Variants in FER1L6 observed in about 807,000 individuals in gnomAD.
The protein encoded by FER1L6 is fer-1-like protein 6.
In FER1L6, 177 loss-of-function variants were observed where a neutral mutation model predicts 219.2. The observed-to-expected ratio is 0.81, with a 90% CI of 0.71 to 0.91. The LOEUF (loss-of-function observed/expected upper bound fraction) is 0.91, where lower values mean the gene tolerates loss of function less well. Ranked by LOEUF, FER1L6 falls within the 40% of genes least tolerant of loss-of-function variation. The probability of loss-of-function intolerance (pLI) is 0.00; values close to 1 mark genes in which losing one functional copy is unlikely to be tolerated. For synonymous variants in FER1L6, 768 were observed against 824.3 expected (o/e 0.93, Z 1.17); for missense variants, 2,153 against 2,259.9 (o/e 0.95, Z 0.96).
At chr8:124,055,873 C>T (rs1820270819) in intron 22 of FER1L6, among the ~76,000 whole-genome samples, 1 of 152,172 alleles carries the variant, frequency 6.6e-6, no homozygotes, top group South Asian at 2.1e-4. Context: ...CTTGTCTATT[C>T]TGGTTTCTAG....
chr8:124,017,301 G>A (rs1294967142), intron 15 of FER1L6, among the ~76,000 whole-genome samples: 2 of 152,082 alleles, frequency 1.3e-5, no homozygotes, highest in African/African-American at 4.8e-5. Flanking sequence ...AACTTTTGGT[G>A]TGTGTTAAAT....
intron 18 of FER1L6, among the ~76,000 whole-genome samples, chr8:124,027,567 A>G (rs1317191847): frequency 6.6e-6 from 1 of 152,120 alleles, no homozygotes; most frequent in Non-Finnish European, 1.5e-5. Flanking sequence ...ATGTAAAATG[A>G]TTTTGTTTTA....
chr8:123,947,700 T>TA (rs1814565023), intron 1 of FER1L6, among the ~76,000 whole-genome samples: 1 of 152,194 alleles, frequency 6.6e-6, no homozygotes, highest in African/African-American at 2.4e-5. Flanking sequence ...CAGCATCTAA[T>TA]AAAGGAGAAG....
intron 1 of FER1L6, among the ~76,000 whole-genome samples, chr8:123,869,062 T>G (rs1279952086): frequency 6.6e-6 from 1 of 151,992 alleles, no homozygotes; most frequent in Admixed American, 6.6e-5. Context: ...GTGACTAAGA[T>G]GAAGTAATAG....
intron 25 of FER1L6, among the ~76,000 whole-genome samples, chr8:124,063,215 G>A (rs551504241): frequency 3.9e-4 from 59 of 152,154 alleles, no homozygotes; most frequent in African/African-American, 1.4e-3. Context: ...GTAGATTGTA[G>A]ATATTGTTCA....
chr8:123,981,182 T>A (rs1205962908), intron 11 of FER1L6, among the ~76,000 whole-genome samples: 1 of 152,056 alleles, frequency 6.6e-6, no homozygotes, highest in African/African-American at 2.4e-5. Flanking sequence ...GGATGGGAGA[T>A]AATTTTGGAT....
chr8:123,969,741 C>T (rs747463925), intron 5 of FER1L6, among the ~76,000 whole-genome samples: 2 of 151,686 alleles, frequency 1.3e-5, no homozygotes, highest in African/African-American at 4.8e-5. Context: ...TGGTATAGGC[C>T]TGTAGTCCCA....
chr8:123,920,360 C>A (rs530638032), intron 1 of FER1L6, among the ~76,000 whole-genome samples: 1 of 152,332 alleles, frequency 6.6e-6, no homozygotes, highest in Non-Finnish European at 1.5e-5. Context: ...CCTTCTTTGA[C>A]CCTGGATGGC....
intron 7 of FER1L6, among the ~76,000 whole-genome samples, chr8:123,974,732 G>A (rs974096909): frequency 1.3e-5 from 2 of 149,490 alleles, no homozygotes; most frequent in Non-Finnish European, 3.0e-5. Flanking sequence ...AAGAAAAGCC[G>A]GAAGTCTAGA....
intron 22 of FER1L6, among the ~76,000 whole-genome samples, chr8:124,057,978 CT>C (rs10708674): frequency 0.84 from 128,185 of 152,166 alleles, 54,139 homozygotes; most frequent in African/African-American, 0.86. Context: ...CGCTTAGTTT[CT>C]TCTTGTTAAT....
intron 6 of FER1L6, among the ~76,000 whole-genome samples, chr8:123,972,035 G>T (rs971093084): frequency 6.6e-6 from 1 of 152,250 alleles, no homozygotes; most frequent in Non-Finnish European, 1.5e-5. Flanking sequence ...AAGAGAACTT[G>T]AAACTGGCTT....
At chr8:123,900,314 A>G (rs1357273877) in intron 1 of FER1L6, among the ~76,000 whole-genome samples, 3 of 152,162 alleles carry the variant, frequency 2.0e-5, no homozygotes, top group Non-Finnish European at 4.4e-5. Context: ...GTTGGTGTAT[A>G]GAAGAGCTAC....
intron 1 of FER1L6, among the ~76,000 whole-genome samples, chr8:123,907,884 C>T (rs1007831731): frequency 2.6e-5 from 4 of 151,828 alleles, no homozygotes; most frequent in African/African-American, 9.7e-5. Context: ...ACAAATACTG[C>T]ACCACACAGC....
At chr8:124,103,860 C>T (rs1351588801) in intron 39 of FER1L6, among the ~76,000 whole-genome samples, 3 of 152,152 alleles carry the variant, frequency 2.0e-5, no homozygotes, top group Admixed American at 6.5e-5. Context: ...GATGACTTAG[C>T]GAGGTTGGAA....
At chr8:123,880,649 G>A (rs1236918226) in intron 1 of FER1L6, among the ~76,000 whole-genome samples, 1 of 152,116 alleles carries the variant, frequency 6.6e-6, no homozygotes, top group South Asian at 2.1e-4. Context: ...CCAACCTTGC[G>A]GCACTCAGCT....
chr8:124,038,758 G>A (rs1819330110), intron 19 of FER1L6, among the ~76,000 whole-genome samples: 1 of 152,078 alleles, frequency 6.6e-6, no homozygotes. Flanking sequence ...GTGTAGGGAT[G>A]GCATTGTAGG....
At chr8:124,038,998 A>G (rs1819342714) in intron 19 of FER1L6, among the ~76,000 whole-genome samples, 2 of 152,220 alleles carry the variant, frequency 1.3e-5, no homozygotes, top group African/African-American at 4.8e-5. Context: ...ATCAGAAAGT[A>G]CCATGGACCA....
At chr8:124,054,427 CT>C (rs903395053) in intron 22 of FER1L6, among the ~76,000 whole-genome samples, 5 of 151,748 alleles carry the variant, frequency 3.3e-5, no homozygotes, top group Admixed American at 2.6e-4. Context: ...CAACAAAGAA[CT>C]TTTTTTTTAA....
intron 1 of FER1L6, among the ~76,000 whole-genome samples, chr8:123,945,309 C>G (rs1244246414): frequency 6.6e-6 from 1 of 152,156 alleles, no homozygotes; most frequent in African/African-American, 2.4e-5. Context: ...TCAAGAGGCT[C>G]CAACTTCAGC....
Sources: allele counts gnomAD v4.1 joint callset (sites outside exome capture counted in the v4.1 genomes callset), GRCh38; gene constraint gnomAD v4.1.1; transcripts MANE v1.5; gene names NCBI Gene and HGNC (gene_info 2026-07-23, HGNC 2026-07-21).